The following ATP8A2 variants were observed in gnomAD, a reference collection of about 807,000 sequenced individuals.
The protein encoded by ATP8A2 is ATPase phospholipid transporting 8A2, also known as phospholipid-transporting ATPase IB.
ATP8A2 carries 100 observed loss-of-function variants against 165.6 expected under a neutral mutation model. That is an observed-to-expected ratio of 0.60 (90% CI 0.51 to 0.71). The LOEUF (loss-of-function observed/expected upper bound fraction) is 0.71, where lower values mean the gene tolerates loss of function less well. Among genes scored for constraint, ATP8A2 ranks in the 30% least tolerant of loss-of-function variants. The pLI is 0.00. For synonymous variants in ATP8A2, 543 were observed against 548.8 expected (o/e 0.99, Z 0.15); for missense variants, 1,227 against 1,479.5 (o/e 0.83, Z 2.80).
At chr13:25,818,560 G>GTT (rs1293750450) in intron 27 of ATP8A2, among the ~76,000 whole-genome samples, 1 of 152,156 alleles carries the variant, frequency 6.6e-6, no homozygotes, top group African/African-American at 2.4e-5. Context: ...AACACCTTTT[G>GTT]TTAGGATTGT....
At chr13:25,708,497 A>G (rs896792165) in intron 25 of ATP8A2, among the ~76,000 whole-genome samples, 2 of 152,294 alleles carry the variant, frequency 1.3e-5, no homozygotes, top group South Asian at 4.1e-4. Context: ...TTTCCTGTCT[A>G]TACATCTGAC....
Position 25,536,268 on chromosome 13 carries a change from T to A in ATP8A2, c.508-1720T>A, listed in dbSNP as rs946308810. ...CTGGGACTACAGGTGCCCACCACCATGCCCGGTTAATTTTTTTTTTTTTTT... is the reference window on the plus strand; with the variant it reads ...CTGGGACTACAGGTGCCCACCACCAAGCCCGGTTAATTTTTTTTTTTTTTT... On this transcript the variant is annotated intron_variant, in intron 6 of 36. Transcript: ENST00000381655. 6.8e-5 allele frequency among the ~76,000 whole-genome samples: 9 copies of A among 131,688 alleles called. 1 individual carries two copies. 86.4% of individuals were successfully genotyped at this position (131,688 alleles called of 152,430 possible).
At chr13:25,959,886 T>G (rs1453625143) in intron 33 of ATP8A2, among the ~76,000 whole-genome samples, 2 of 152,228 alleles carry the variant, frequency 1.3e-5, no homozygotes, top group Non-Finnish European at 2.9e-5. Flanking sequence ...TTCTGAGAGA[T>G]GTAATTGATG....
chr13:25,617,469 C>G (rs2040855434), intron 24 of ATP8A2, among the ~76,000 whole-genome samples: 1 of 152,104 alleles, frequency 6.6e-6, no homozygotes, highest in Admixed American at 6.5e-5. Flanking sequence ...TTTCAGTTCC[C>G]TCTGAGAAAT....
At chr13:25,577,271 G>T in intron 20 of ATP8A2, 133 bp downstream of exon 20, 1 of 790,632 alleles carries the variant, frequency 1.3e-6, no homozygotes, top group Non-Finnish European at 2.1e-6. Context: ...GGTAGGCTGT[G>T]AAGTTGACTT....
At chr13:25,564,165 T>A in intron 16 of ATP8A2, 134 bp downstream of exon 16, 1 of 669,938 alleles carries the variant, frequency 1.5e-6, no homozygotes, top group Non-Finnish European at 2.7e-6. Flanking sequence ...TGAGTCCTTC[T>A]GAGAAGTGAT....
chr13:25,531,263 A>ATATATGTTATATATGATATATGT (rs1566228859), intron 4 of ATP8A2, among the ~76,000 whole-genome samples: 1 of 85,512 alleles, frequency 1.2e-5, no homozygotes, highest in Non-Finnish European at 2.4e-5. Flanking sequence ...GATATATATG[A>ATATATGTTATATATGATATATGT]TATATATGAT....
chr13:25,524,506 A>T (rs1348178287), intron 2 of ATP8A2, among the ~76,000 whole-genome samples: 1 of 152,094 alleles, frequency 6.6e-6, no homozygotes, highest in Non-Finnish European at 1.5e-5. Context: ...CTTGCTTTAG[A>T]TATATTAATG....
At chr13:25,769,263 G>A (rs539345737) in intron 26 of ATP8A2, 34 bp downstream of exon 26, 5 of 1,578,106 alleles carry the variant, frequency 3.2e-6, no homozygotes, top group African/African-American at 2.7e-5. Flanking sequence ...GCCCTGTCCT[G>A]TTGAGAGATG....
intron 2 of ATP8A2, among the ~76,000 whole-genome samples, chr13:25,513,274 C>G (rs879574851): frequency 3.3e-5 from 5 of 151,858 alleles, no homozygotes; most frequent in Admixed American, 3.3e-4. Flanking sequence ...CCTCACCTCC[C>G]AGACGGGGTC....
At chr13:25,803,386 TG>T (rs1950662186) in intron 27 of ATP8A2, among the ~76,000 whole-genome samples, 2 of 152,208 alleles carry the variant, frequency 1.3e-5, no homozygotes, top group Admixed American at 1.3e-4. Flanking sequence ...CCTCAGTGTT[TG>T]GGGAACAGTT....
At chr13:25,968,256 T>C (rs1332267786) in intron 34 of ATP8A2, among the ~76,000 whole-genome samples, 2 of 152,182 alleles carry the variant, frequency 1.3e-5, no homozygotes, top group Non-Finnish European at 2.9e-5. Flanking sequence ...AGAAATGCTG[T>C]AGAGGTAGAC....
At chr13:25,435,916 T>TGTGTGTGTGTGTGA (rs2034747988) in intron 1 of ATP8A2, among the ~76,000 whole-genome samples, 1 of 51,962 alleles carries the variant, frequency 1.9e-5, no homozygotes, top group African/African-American at 5.4e-5. Context: ...AAGCATCGTG[T>TGTGTGTGTGTGTGA]GTGTGTGTGT....
At chr13:25,705,105 CAAGA>C in intron 25 of ATP8A2, 1 of 397,404 alleles carries the variant, frequency 2.5e-6, no homozygotes, top group Non-Finnish European at 4.9e-6. Context: ...TCAATATGTT[CAAGA>C]AAGAGTTATC....
At chr13:25,532,547 G>T (rs1052612073) in intron 5 of ATP8A2, among the ~76,000 whole-genome samples, 3 of 152,132 alleles carry the variant, frequency 2.0e-5, no homozygotes, top group African/African-American at 7.2e-5. Context: ...TAATTTTCAG[G>T]AACTAGACAG....
intron 25 of ATP8A2, among the ~76,000 whole-genome samples, chr13:25,740,389 A>G (rs2043885657): frequency 6.6e-6 from 1 of 152,138 alleles, no homozygotes; most frequent in South Asian, 2.1e-4. Flanking sequence ...TTCATTTCCA[A>G]AATTTCACCA....
At chr13:25,989,112 T>C (rs2139283373) in intron 35 of ATP8A2, among the ~76,000 whole-genome samples, 1 of 152,340 alleles carries the variant, frequency 6.6e-6, no homozygotes, top group East Asian at 1.9e-4. Flanking sequence ...CTCATCTTTC[T>C]TTAATTACTT....
intron 35 of ATP8A2, among the ~76,000 whole-genome samples, chr13:25,981,800 G>A (rs1956174237): frequency 6.6e-6 from 1 of 152,158 alleles, no homozygotes; most frequent in Admixed American, 6.5e-5. Context: ...CTGAAAAAAT[G>A]TGAAGTCTTT....
intron 28 of ATP8A2, among the ~76,000 whole-genome samples, chr13:25,830,886 C>T (rs976319780): frequency 1.3e-5 from 2 of 152,132 alleles, no homozygotes; most frequent in Admixed American, 1.3e-4. Flanking sequence ...TCTTATACAA[C>T]CGAAGTATAA....
Sources: allele counts gnomAD v4.1 joint callset (sites outside exome capture counted in the v4.1 genomes callset), GRCh38; gene constraint gnomAD v4.1.1; transcripts MANE v1.5; gene names NCBI Gene and HGNC (gene_info 2026-07-23, HGNC 2026-07-21).